The following ANKS1B variants were observed in gnomAD, a reference collection of about 807,000 sequenced individuals.
The protein encoded by ANKS1B is ankyrin repeat and sterile alpha motif domain containing 1B.
ANKS1B carries 36 observed loss-of-function variants against 148.3 expected under a neutral mutation model. That is an observed-to-expected ratio of 0.24 (90% CI 0.19 to 0.32). ANKS1B has a LOEUF of 0.32. ANKS1B is among the 10% of genes least tolerant of loss of function. ANKS1B has a pLI of 1.00. For synonymous variants in ANKS1B, 542 were observed against 560.8 expected, an observed-to-expected ratio of 0.97 and a Z score of 0.47; for missense variants, 1,157 against 1,542.6, an observed-to-expected ratio of 0.75 and a Z score of 4.19.
chr12:99,191,817 A>G (rs1208974296), intron 14 of ANKS1B, among the ~76,000 whole-genome samples: 1 of 152,138 alleles, frequency 6.6e-6, no homozygotes, highest in African/African-American at 2.4e-5. Flanking sequence ...TGTTCTCCAC[A>G]TGTATTTCGG....
intron 17 of ANKS1B, among the ~76,000 whole-genome samples, chr12:99,016,962 G>C (rs2099942949): frequency 6.6e-6 from 1 of 152,132 alleles, no homozygotes; most frequent in Admixed American, 6.5e-5. Flanking sequence ...TCCATGTCCA[G>C]GAATCACTTA....
intron 16 of ANKS1B, among the ~76,000 whole-genome samples, chr12:99,053,961 A>T (rs1472898893): frequency 6.6e-6 from 1 of 152,216 alleles, no homozygotes; most frequent in African/African-American, 2.4e-5. Context: ...ATTTTTAAAA[A>T]ATAGGAGAAC....
chr12:99,302,961 T>C (rs923808448), intron 12 of ANKS1B, among the ~76,000 whole-genome samples: 1 of 152,164 alleles, frequency 6.6e-6, no homozygotes, highest in Non-Finnish European at 1.5e-5. Flanking sequence ...AGATTAGTTA[T>C]TATGTTCTTT....
intron 22 of ANKS1B, among the ~76,000 whole-genome samples, chr12:98,787,541 C>G (rs79759742): frequency 1.3e-5 from 2 of 152,110 alleles, no homozygotes; most frequent in Non-Finnish European, 2.9e-5. Flanking sequence ...TCATAGGATT[C>G]GATCTAATGG....
At chr12:99,316,751 A>G (rs1442307092) in intron 12 of ANKS1B, among the ~76,000 whole-genome samples, 1 of 152,186 alleles carries the variant, frequency 6.6e-6, no homozygotes, top group African/African-American at 2.4e-5. Context: ...GCCCATGCCT[A>G]TGGCCTGAAT....
chr12:99,666,086 T>G lies in ANKS1B; in HGVS notation c.1129-10876A>C, dbSNP rs148415888. The stretch of plus-strand genomic sequence containing the variant: ...ACTTGAAAAGATTATCCTTTCCCCA[T>G]TGAAGTGCCCTGCAGTTTTTTTGAA... On this transcript the variant is annotated intron_variant, in intron 8 of 26. Coordinates refer to ENST00000683438, the MANE Select transcript of ANKS1B (RefSeq NM_001352186.2). Among the ~76,000 whole-genome samples the G allele has an allele frequency of 7.7e-4, 117 of 152,308 alleles. 1 individual carries two copies. The highest frequency in any genetic ancestry group is 5.6e-4 in the Non-Finnish European group (38 of 68,020).
chr12:99,124,696 G>A (rs1301162166), intron 15 of ANKS1B, among the ~76,000 whole-genome samples: 1 of 152,070 alleles, frequency 6.6e-6, no homozygotes, highest in Non-Finnish European at 1.5e-5. Context: ...CTGAGCCTTT[G>A]GGTAATACAA....
intron 9 of ANKS1B, among the ~76,000 whole-genome samples, chr12:99,520,611 T>C (rs901906321): frequency 6.6e-6 from 1 of 152,304 alleles, no homozygotes; most frequent in African/African-American, 2.4e-5. Context: ...GTTGATATCT[T>C]TCTCTAGATT....
intron 1 of ANKS1B, among the ~76,000 whole-genome samples, chr12:99,855,982 T>C (rs547359014): frequency 6.6e-6 from 1 of 151,812 alleles, no homozygotes; most frequent in African/African-American, 2.4e-5. Context: ...AAATAGACAA[T>C]CTAAGGTCAT....
intron 1 of ANKS1B, among the ~76,000 whole-genome samples, chr12:99,939,660 A>G (rs2094870507): frequency 6.6e-6 from 1 of 152,194 alleles, no homozygotes; most frequent in African/African-American, 2.4e-5. Context: ...GTAACTAAAA[A>G]CAAATGACAA....
At chr12:99,063,635 A>T (rs568590207) in intron 16 of ANKS1B, among the ~76,000 whole-genome samples, 55 of 152,362 alleles carry the variant, frequency 3.6e-4, no homozygotes, top group African/African-American at 1.3e-3. Flanking sequence ...GTTAATGATA[A>T]GAACATCACT....
rs938081958 is a variant in ANKS1B at position 98,793,495 on chromosome 12, C to A, written c.3342+5439G>T. On this transcript the variant is annotated intron_variant, in intron 22 of 26. Coordinates refer to ENST00000683438, the MANE Select transcript of ANKS1B (RefSeq NM_001352186.2). ...AAGCAAAAATAGACACATGGGATTA[C>A]ATCAAACTAAAAGCCTTCTGCACAG... 6.6e-4 allele frequency among the ~76,000 whole-genome samples: 100 copies of A among 152,268 alleles called. 1 individual carries two copies. Among genetic ancestry groups the A allele is most frequent in the Non-Finnish European group, 1.0e-4 (7 of 68,016 alleles).
intron 1 of ANKS1B, among the ~76,000 whole-genome samples, chr12:99,874,920 C>T (rs1319406730): frequency 2.0e-5 from 3 of 152,190 alleles, no homozygotes; most frequent in East Asian, 3.9e-4. Flanking sequence ...CATGTGTCTA[C>T]TTTGAAGCAC....
At chr12:99,167,422 A>G (rs1388493917) in intron 14 of ANKS1B, among the ~76,000 whole-genome samples, 3 of 152,164 alleles carry the variant, frequency 2.0e-5, no homozygotes, top group African/African-American at 7.2e-5. Context: ...AATGAGCAAA[A>G]GATTTGAACA....
chr12:99,567,084 T>C (rs760499295), intron 9 of ANKS1B, among the ~76,000 whole-genome samples: 4 of 152,184 alleles, frequency 2.6e-5, no homozygotes, highest in Non-Finnish European at 4.4e-5. Context: ...ACTGAAGGTA[T>C]TGGCTGGACT....
chr12:98,906,896 C>G (rs1437034200), intron 17 of ANKS1B, among the ~76,000 whole-genome samples: 6 of 151,934 alleles, frequency 3.9e-5, no homozygotes. Context: ...AAAACATGTA[C>G]ACCTGTATGT....
At chr12:99,694,089 C>T (rs967703370) in intron 8 of ANKS1B, among the ~76,000 whole-genome samples, 5 of 148,426 alleles carry the variant, frequency 3.4e-5, no homozygotes, top group African/African-American at 9.9e-5. Context: ...CTTTTTTGGA[C>T]ATTTTTATTC....
intron 17 of ANKS1B, among the ~76,000 whole-genome samples, chr12:98,847,320 T>G (rs2099485758): frequency 6.6e-6 from 1 of 152,330 alleles, no homozygotes; most frequent in African/African-American, 2.4e-5. Flanking sequence ...TTTTACGGGT[T>G]TAGCTATATT....
At chr12:99,586,882 CCCCATGATTCAATAACCT>C (rs1340073429) in intron 9 of ANKS1B, among the ~76,000 whole-genome samples, 79 of 152,186 alleles carry the variant, frequency 5.2e-4, no homozygotes, top group Non-Finnish European at 9.9e-4. Flanking sequence ...AAAAACCTGC[CCCCATGATTCAATAACCT>C]CCCATTGGGT....
Sources: allele counts gnomAD v4.1 joint callset (sites outside exome capture counted in the v4.1 genomes callset), GRCh38; gene constraint gnomAD v4.1.1; transcripts MANE v1.5; gene names NCBI Gene and HGNC (gene_info 2026-07-23, HGNC 2026-07-21).